The following BMP1 variants were observed in gnomAD, a reference collection of about 807,000 sequenced individuals.
BMP1 encodes bone morphogenetic protein 1.
In BMP1, 63 loss-of-function variants were observed where a neutral mutation model predicts 116.8. The ratio of observed to expected loss-of-function variants is 0.54; its 90% CI spans 0.44 to 0.67. The LOEUF (loss-of-function observed/expected upper bound fraction) is 0.67, where lower values mean the gene tolerates loss of function less well. Ranked by LOEUF, BMP1 falls within the 30% of genes least tolerant of loss-of-function variation. The probability of loss-of-function intolerance (pLI) is 0.00; values close to 1 mark genes in which losing one functional copy is unlikely to be tolerated. For synonymous variants in BMP1, 536 were observed against 533.4 expected, an observed-to-expected ratio of 1.00 and a Z score of -0.07; for missense variants, 1,183 against 1,358.9, an observed-to-expected ratio of 0.87 and a Z score of 2.04.
intron 18 of BMP1, among the ~76,000 whole-genome samples, chr8:22,208,098 A>G (rs991245152): frequency 3.3e-5 from 5 of 152,084 alleles, no homozygotes; most frequent in Non-Finnish European, 5.9e-5. Context: ...TGGCCAGGCC[A>G]GTCTCAAACT....
At chr8:22,168,966 A>G (rs1171537675) in intron 1 of BMP1, among the ~76,000 whole-genome samples, 5 of 152,146 alleles carry the variant, frequency 3.3e-5, no homozygotes, top group Admixed American at 6.5e-5. Flanking sequence ...CAGGAGTTTA[A>G]GACTAGCCTG....
intron 13 of BMP1, 80 bp downstream of exon 13, chr8:22,195,667 A>G: frequency 6.7e-7 from 1 of 1,488,188 alleles, no homozygotes; most frequent in South Asian, 1.2e-5. Context: ...TTTTTTTTAG[A>G]CAGGCTTTTG....
At chr8:22,178,257 A>T (rs1361127663) in intron 6 of BMP1, among the ~76,000 whole-genome samples, 1 of 152,210 alleles carries the variant, frequency 6.6e-6, no homozygotes, top group Non-Finnish European at 1.5e-5. Flanking sequence ...ATCAGCCCAA[A>T]GGGTGCTGAG....
intron 1 of BMP1, among the ~76,000 whole-genome samples, chr8:22,167,680 A>C (rs186806195): frequency 3.8e-4 from 58 of 152,264 alleles, no homozygotes; most frequent in Admixed American, 5.9e-4. Flanking sequence ...AACTGGGTGA[A>C]GTGAGGCTGG....
At chr8:22,180,548 T>G (rs1033256638) in intron 8 of BMP1, 65 bp downstream of exon 8, 1 of 1,450,700 alleles carries the variant, frequency 6.9e-7, no homozygotes, top group Non-Finnish European at 9.6e-7. Context: ...CAGGGACTTC[T>G]CCCACAGTGG....
chr8:22,184,036 G>C (rs530509766), intron 8 of BMP1, among the ~76,000 whole-genome samples: 28 of 152,194 alleles, frequency 1.8e-4, no homozygotes, highest in African/African-American at 6.8e-4. Flanking sequence ...ACAAGAGTTG[G>C]TGATTTCAAT....
intron 1 of BMP1, among the ~76,000 whole-genome samples, chr8:22,167,010 G>A (rs10096505): frequency 0.47 from 71,054 of 151,976 alleles, 17,181 homozygotes; most frequent in Non-Finnish European, 0.52. Context: ...AACTGATCAT[G>A]CATCTTCCCA....
rs754511787 is a variant in BMP1, at chr8:22,195,488, C to T, written c.1666C>T (p.Arg556Cys). 14 of 1,611,214 alleles carry T rather than the reference C, an allele frequency of 8.7e-6. No individual in the cohort carries two copies. Among genetic ancestry groups the T allele is most frequent in the South Asian group, 3.3e-5 (3 of 90,746 alleles). The change falls in exon 13 of 20, where the codon CGC (arginine) becomes TGC (cysteine). Residue 556 changes from arginine to cysteine, a missense_variant. Arg to Cys is a radical substitution (Grantham distance 180). Transcript: ENST00000306385. The part of the protein sequence containing the change: ...KEVDECSRPN[R>C]GGCEQRCLNT... Reference sequence around the variant, plus strand: ...GGTGGACGAGTGCTCTCGGCCCAACCGCGGGGGCTGTGAGCAGCGGTGCCT... The same window carrying T: ...GGTGGACGAGTGCTCTCGGCCCAACTGCGGGGGCTGTGAGCAGCGGTGCCT...
intron 17 of BMP1, 71 bp from the exon 18 acceptor site, chr8:22,207,232 G>A (rs1462352348): frequency 1.3e-6 from 2 of 1,516,972 alleles, no homozygotes; most frequent in East Asian, 4.5e-5. Flanking sequence ...GCCTAGGTTT[G>A]GGGCCCTCAT....
At chr8:22,175,047 G>A (rs1828392834) in intron 2 of BMP1, among the ~76,000 whole-genome samples, 1 of 152,200 alleles carries the variant, frequency 6.6e-6, no homozygotes, top group Non-Finnish European at 1.5e-5. Context: ...AAGTACCCCA[G>A]AGGGCAGGTG....
Position 22,194,364 on chromosome 8 carries a change from A to C in BMP1, c.1298-81A>C. 1 of 1,564,874 alleles carries C rather than the reference A, an allele frequency of 6.4e-7. No individual in the cohort carries two copies. The highest frequency in any genetic ancestry group is 1.2e-5 in the South Asian group (1 of 84,846). On this transcript the variant is annotated intron_variant, in intron 10 of 19. Coordinates refer to ENST00000306385, the MANE Select transcript of BMP1 (RefSeq NM_006129.5). The surrounding 1 kb of genome is among the most constrained non-coding windows in gnomAD (Gnocchi z 4.5). Reference sequence around the variant, plus strand: ...AGCTGGGGGACATGGGAGGGACTGGAGGAGTGGGGAAAAGAGCTCCCTAGC... The same window carrying C: ...AGCTGGGGGACATGGGAGGGACTGGCGGAGTGGGGAAAAGAGCTCCCTAGC...
chr8:22,197,437 C>T lies in BMP1; in HGVS notation c.2107+17C>T. ...TCTTCTCAGGTATCCCTGGACTGCCCAGCTCCTAGCCCCACCTCTCCTCGG... is the reference window on the plus strand; with the variant it reads ...TCTTCTCAGGTATCCCTGGACTGCCTAGCTCCTAGCCCCACCTCTCCTCGG... On this transcript the variant is annotated intron_variant, in intron 15 of 19. Coordinates refer to ENST00000306385, the MANE Select transcript of BMP1 (RefSeq NM_006129.5). 1.9e-6 allele frequency: 3 copies of T among 1,592,120 alleles called. No individual in the cohort carries two copies. The highest frequency in any genetic ancestry group is 2.3e-5 in the East Asian group (1 of 44,240).
intron 9 of BMP1, among the ~76,000 whole-genome samples, chr8:22,192,517 G>A (rs577938437): frequency 6.6e-6 from 1 of 152,296 alleles, no homozygotes; most frequent in South Asian, 2.1e-4. Flanking sequence ...ACTTTCAGAG[G>A]ATCCACTATT....
intron 2 of BMP1, 149 bp from the exon 3 acceptor site, chr8:22,175,994 C>G (rs755484362): frequency 7.1e-5 from 58 of 818,582 alleles, no homozygotes; most frequent in Non-Finnish European, 1.1e-4. Flanking sequence ...CGTGAAAGCC[C>G]TGAGAGTATT....
rs1332974301 is a variant in BMP1 at position 22,183,599 on chromosome 8, T to TTATTAA, written c.1077+3121_1077+3122insATATTA. On this transcript the variant is annotated intron_variant, in intron 8 of 19. Transcript: ENST00000306385. Reference sequence around the variant, plus strand: ...TGAGCAGGTATGTGTTAAATTATTATTATTATTATTATTATTATTATTATT... The same window carrying TTATTAA: ...TGAGCAGGTATGTGTTAAATTATTATTATTAATATTATTATTATTATTATTATTATT... Among the ~76,000 whole-genome samples the TTATTAA allele has an allele frequency of 4.0e-5, 6 of 150,210 alleles. No homozygotes were observed. The East Asian group carries it at 1.2e-3, about 29-fold the overall frequency.
intron 19 of BMP1, among the ~76,000 whole-genome samples, chr8:22,210,936 C>T (rs544231109): frequency 9.2e-5 from 14 of 152,358 alleles, no homozygotes; most frequent in Non-Finnish European, 2.1e-4. Context: ...TTCTTCTGTG[C>T]CTGGAAGGCC....
intron 16 of BMP1, among the ~76,000 whole-genome samples, chr8:22,205,690 A>C (rs1446720222): frequency 6.6e-6 from 1 of 152,138 alleles, no homozygotes; most frequent in Non-Finnish European, 1.5e-5. Context: ...CGGGAGGATC[A>C]ATTGAGCCTA....
chr8:22,187,591 C>A (rs904643326), intron 8 of BMP1, among the ~76,000 whole-genome samples: 1 of 146,010 alleles, frequency 6.8e-6, no homozygotes, highest in Admixed American at 7.0e-5. Context: ...CCTCATGATA[C>A]GCCCACCTCA....
Position 22,180,435 on chromosome 8 carries a change from T to A in BMP1, c.1029T>A (p.Ser343=), listed in dbSNP as rs771543253. 1.9e-6 allele frequency: 3 copies of A among 1,614,078 alleles called. No individual in the cohort carries two copies. Among genetic ancestry groups the A allele is most frequent in the Non-Finnish European group, 2.5e-6 (3 of 1,179,978 alleles). The change falls in exon 8 of 20, where the codon TCT becomes TCA. Residue 343 remains serine, a synonymous_variant. Coordinates refer to ENST00000306385, the MANE Select transcript of BMP1 (RefSeq NM_006129.5). ...FSSPEYPNGY[S]AHMHCVWRIS... Reference sequence around the variant, plus strand: ...CCCCTGAATACCCCAATGGCTACTCTGCTCACATGCACTGCGTGTGGCGCA... The same window carrying A: ...CCCCTGAATACCCCAATGGCTACTCAGCTCACATGCACTGCGTGTGGCGCA...
Sources: gnomAD v4.1 joint callset for allele counts (sites outside exome capture counted in the v4.1 genomes callset) on GRCh38, gnomAD v4.1.1 for gene constraint, Gnocchi (gnomAD v3.1) non-coding constraint, MANE v1.5 for transcripts, NCBI Gene and HGNC (gene_info 2026-07-23, HGNC 2026-07-21) for gene names.